Variants in TOMM7 observed in about 807,000 individuals in gnomAD.
The protein encoded by TOMM7 is translocase of outer mitochondrial membrane 7.
TOMM7 carries 8 observed loss-of-function variants against 9.5 expected under a neutral mutation model. That is an observed-to-expected ratio of 0.84 (90% CI 0.49 to 1.51). The LOEUF is 1.51. TOMM7 is among the 40% of genes most tolerant of loss of function. The probability of loss-of-function intolerance (pLI) is 0.00; values close to 1 mark genes in which losing one functional copy is unlikely to be tolerated. For missense variants in TOMM7, 74 were observed against 63.7 expected, an observed-to-expected ratio of 1.16 and a Z score of -0.55; for synonymous variants, 27 against 21.4, an observed-to-expected ratio of 1.26 and a Z score of -0.72.
At chr7:22,822,115 G>T in intron 1 of TOMM7, 2 of 1,547,334 alleles carry the variant, frequency 1.3e-6, no homozygotes, top group South Asian at 2.4e-5. Context: ...ATAGCTGTGC[G>T]ACCTTGGCAA....
intron 1 of TOMM7, 155 bp from the exon 2 acceptor site, chr7:22,818,203 G>A (rs1472287693): frequency 2.2e-5 from 14 of 627,496 alleles, no homozygotes; most frequent in South Asian, 9.7e-5. Flanking sequence ...CTACGCTACA[G>A]AAGTCTCCAA....
chr7:22,814,256 A>T (rs932072251), intron 2 of TOMM7, among the ~76,000 whole-genome samples: 9 of 151,028 alleles, frequency 6.0e-5, no homozygotes, highest in Non-Finnish European at 8.8e-5. Context: ...AGGCTGAGGC[A>T]GGAGAATCGC....
chr7:22,822,791 T>C lies in TOMM7; in HGVS notation c.-12A>G, dbSNP rs1376179732. 1.9e-6 allele frequency: 3 copies of C among 1,612,058 alleles called. No homozygotes were observed. The Admixed American group carries it at 5.0e-5, about 27-fold the overall frequency. Reference sequence around the variant, plus strand: ...CTCAGCTTCACCATGGCGACGGCCGTGTGGCGCAGGGAGGACCCCTTACAG... The same window carrying C: ...CTCAGCTTCACCATGGCGACGGCCGCGTGGCGCAGGGAGGACCCCTTACAG... On this transcript the variant is annotated 5_prime_UTR_variant, in exon 1 of 3. Transcript: ENST00000358435.
chr7:22,813,332 G>T, intron 2 of TOMM7, 147 bp from the exon 3 acceptor site: 1 of 664,836 alleles, frequency 1.5e-6, no homozygotes, highest in Non-Finnish European at 2.5e-6. Context: ...CAATCCCACT[G>T]AACAAACAAA....
intron 2 of TOMM7, among the ~76,000 whole-genome samples, chr7:22,815,494 G>C (rs914114456): frequency 2.0e-5 from 3 of 151,308 alleles, no homozygotes; most frequent in Non-Finnish European, 4.4e-5. Context: ...CCAGAAGTTC[G>C]AGACCAGACT....
At chr7:22,821,176 C>T (rs1420940228) in intron 1 of TOMM7, among the ~76,000 whole-genome samples, 1 of 152,116 alleles carries the variant, frequency 6.6e-6, no homozygotes, top group Non-Finnish European at 1.5e-5. Flanking sequence ...CTTTGGGAGG[C>T]CGAGGCGGGC....
intron 2 of TOMM7, chr7:22,817,330 T>G (rs1459999892): frequency 6.5e-6 from 1 of 153,884 alleles, no homozygotes; most frequent in East Asian, 1.9e-4. Flanking sequence ...CCACAAATGC[T>G]CATACTTTAT....
intron 2 of TOMM7, chr7:22,817,571 G>A (rs552827525): frequency 5.2e-6 from 1 of 193,068 alleles, no homozygotes; most frequent in African/African-American, 2.4e-5. Context: ...TAATTGTATT[G>A]TTGTATAAAA....
At chr7:22,821,338 A>G (rs1393960475) in intron 1 of TOMM7, among the ~76,000 whole-genome samples, 1 of 149,490 alleles carries the variant, frequency 6.7e-6, no homozygotes, top group Non-Finnish European at 1.5e-5. Flanking sequence ...AGAACCCGGG[A>G]GGCGGAGCTT....
At chr7:22,813,752 C>T (rs1782279564) in intron 2 of TOMM7, among the ~76,000 whole-genome samples, 1 of 151,148 alleles carries the variant, frequency 6.6e-6, no homozygotes, top group African/African-American at 2.4e-5. Context: ...AACTCTTACC[C>T]CAAACATTCC....
At chr7:22,822,057 A>G (rs1203663185) in intron 1 of TOMM7, 8 of 1,389,882 alleles carry the variant, frequency 5.8e-6, no homozygotes, top group African/African-American at 1.4e-5. Context: ...GGTTAAGACT[A>G]TGGGCTCTGA....
At chr7:22,813,294 A>G (rs1782272501) in intron 2 of TOMM7, 109 bp from the exon 3 acceptor site, 1 of 950,252 alleles carries the variant, frequency 1.1e-6, no homozygotes, top group Non-Finnish European at 1.6e-6. Context: ...TTCCTCATCT[A>G]TCAAATTCAG....
At chr7:22,820,565 T>C (rs1782372916) in intron 1 of TOMM7, among the ~76,000 whole-genome samples, 1 of 151,940 alleles carries the variant, frequency 6.6e-6, no homozygotes, top group Non-Finnish European at 1.5e-5. Context: ...AAATAGGACC[T>C]CGTACACGCA....
In TOMM7 at chr7:22,822,750, C is replaced by G; in HGVS notation, c.30G>C (p.Gln10His). ...TCCCCTTGAAGAGCTGCTGTAGTCTCTGCTTGGCCTCTTTGCTCAGCTTCA... is the reference window on the plus strand; with the variant it reads ...TCCCCTTGAAGAGCTGCTGTAGTCTGTGCTTGGCCTCTTTGCTCAGCTTCA... MVKLSKEAK[Q>H]RLQQLFKGSQ... The change falls in exon 1 of 3, where the codon CAG (glutamine) becomes CAC (histidine). Residue 10 changes from glutamine (Q) to histidine (H), a missense_variant. Gln to His is a conservative substitution (Grantham distance 24). Transcript: ENST00000358435. The G allele has an allele frequency of 6.2e-7, 1 of 1,614,230 alleles. No individual in the cohort carries two copies.
At position 22,822,848 on chromosome 7, in the gene TOMM7, G is replaced by C; in HGVS notation, c.-69C>G. On this transcript the variant is annotated 5_prime_UTR_variant, in exon 1 of 3. Transcript: ENST00000358435. ...CAGCGTCGGGAATCCGAAAGGGAAA[G>C]GAGGTGCGCAGGCGCCACACACGGC... 7.5e-7 allele frequency: 1 copy of C among 1,332,370 alleles called. No individual in the cohort carries two copies. The highest frequency in any genetic ancestry group is 2.3e-5 in the East Asian group (1 of 43,430). The allele number at this position is 1,332,370 out of a possible 1,614,324, so 82.5% of individuals were successfully genotyped here. A position where few individuals can be genotyped will look rare whatever the true frequency, so the allele number is the denominator to read the frequency against.
intron 1 of TOMM7, 79 bp downstream of exon 1, chr7:22,822,598 C>A: frequency 7.7e-7 from 1 of 1,303,332 alleles, no homozygotes; most frequent in South Asian, 1.2e-5. Context: ...TCTCTCCCTC[C>A]CCCGACGGCC....
At chr7:22,821,744 C>CA in intron 1 of TOMM7, among the ~76,000 whole-genome samples, 1 of 148,882 alleles carries the variant, frequency 6.7e-6, no homozygotes, top group East Asian at 2.0e-4. Context: ...GCGACTGTCT[C>CA]AAAAAGGAAA....
chr7:22,813,010 T>G lies in TOMM7; in HGVS notation c.*160A>C. On this transcript the variant is annotated 3_prime_UTR_variant, in exon 3 of 3. Transcript: ENST00000358435. Reference sequence around the variant, plus strand: ...ACATTTATTCTGATACATTCTATCATAAGTTAGTACAAGTTCCACTCTGCT... The same window carrying G: ...ACATTTATTCTGATACATTCTATCAGAAGTTAGTACAAGTTCCACTCTGCT... The G allele has an allele frequency of 1.4e-6, 1 of 700,234 alleles. No individual in the cohort carries two copies. Among genetic ancestry groups the G allele is most frequent in the Middle Eastern group, 3.8e-4 (1 of 2,664 alleles). 43.4% of individuals were successfully genotyped at this position (700,234 alleles called of 1,614,324 possible).
At chr7:22,822,550 C>T in intron 1 of TOMM7, 127 bp downstream of exon 1, 1 of 856,236 alleles carries the variant, frequency 1.2e-6, no homozygotes, top group South Asian at 1.6e-5. Context: ...CTTGACCAGA[C>T]AGCCTCAGGG....
Sources: allele counts gnomAD v4.1 joint callset (sites outside exome capture counted in the v4.1 genomes callset), GRCh38; gene constraint gnomAD v4.1.1; transcripts MANE v1.5; gene names NCBI Gene and HGNC (gene_info 2026-07-23, HGNC 2026-07-21).